RIMS4: variants seen among roughly 807,000 people sequenced by gnomAD.
RIMS4 encodes regulating synaptic membrane exocytosis protein 4.
A neutral mutation model predicts 29.0 loss-of-function variants in RIMS4; 9 were observed. That is an observed-to-expected ratio of 0.31 (90% confidence interval 0.19 to 0.54). RIMS4 has a LOEUF of 0.54. RIMS4 is among the 20% of genes least tolerant of loss of function. RIMS4 has a pLI of 0.94. For synonymous variants in RIMS4, 130 were observed against 152.9 expected (o/e 0.85, Z 1.10); for missense variants, 193 against 365.7 (o/e 0.53, Z 3.85).
At chr20:44,792,309 T>G (rs2066236285) in intron 1 of RIMS4, among the ~76,000 whole-genome samples, 1 of 151,846 alleles carries the variant, frequency 6.6e-6, no homozygotes, top group South Asian at 2.1e-4. Context: ...TTTTTTTTTT[T>G]GAGACAGAGT....
At position 44,796,743 on chromosome 20, in the gene RIMS4, T is replaced by G. The variant is rs116308339; in HGVS notation, c.97+13432A>C. Among the ~76,000 whole-genome samples the G allele has an allele frequency of 2.6e-3, 394 of 152,250 alleles. 4 individuals carry two copies. Among genetic ancestry groups the G allele is most frequent in the African/African-American group, 9.1e-3 (377 of 41,552 alleles). ...CTGAGGAAATGGCCTAAGTGAGGCATGGAGGGAGAAAACTCAAACAAGACT... is the reference window on the plus strand; with the variant it reads ...CTGAGGAAATGGCCTAAGTGAGGCAGGGAGGGAGAAAACTCAAACAAGACT... On this transcript the variant is annotated intron_variant, in intron 1 of 5. Coordinates refer to ENST00000372851, the MANE Select transcript of RIMS4 (RefSeq NM_182970.4).
intron 1 of RIMS4, among the ~76,000 whole-genome samples, chr20:44,805,565 C>A (rs2066295014): frequency 6.6e-6 from 1 of 152,082 alleles, no homozygotes; most frequent in Non-Finnish European, 1.5e-5. Context: ...CATGCCTCCA[C>A]GTGGTCCTGA....
At chr20:44,770,611 T>G (rs898454952) in intron 2 of RIMS4, among the ~76,000 whole-genome samples, 1 of 152,138 alleles carries the variant, frequency 6.6e-6, no homozygotes, top group Non-Finnish European at 1.5e-5. Context: ...AGAGACTAAG[T>G]CAGCAGCCTG....
chr20:44,776,659 A>C (rs1279487304), intron 1 of RIMS4, among the ~76,000 whole-genome samples: 2 of 152,240 alleles, frequency 1.3e-5, no homozygotes, highest in African/African-American at 4.8e-5. Context: ...ACAAGCAAGC[A>C]ACGTAAAAAT....
intron 2 of RIMS4, among the ~76,000 whole-genome samples, chr20:44,766,017 C>T (rs1269541521): frequency 6.6e-6 from 1 of 152,200 alleles, no homozygotes; most frequent in African/African-American, 2.4e-5. Context: ...AGGCATTGAA[C>T]TCAGTGTCTA....
rs562831386 is a variant in RIMS4 at position 44,755,793 on chromosome 20, C to T, written c.*341G>A. On this transcript the variant is annotated 3_prime_UTR_variant, in exon 6 of 6. Transcript: ENST00000372851. Reference sequence around the variant, plus strand: ...GACATGGCTCTGGGCAGCGAGCTTCCGAGGAGGCAAAAAGGGGGAGAAGTT... The same window carrying T: ...GACATGGCTCTGGGCAGCGAGCTTCTGAGGAGGCAAAAAGGGGGAGAAGTT... The T allele has an allele frequency of 8.6e-5, 21 of 243,896 alleles. No homozygotes were observed. In the East Asian group the frequency reaches 1.4e-3, roughly 16 times the overall value. 15.1% of individuals were successfully genotyped at this position (243,896 alleles called of 1,614,324 possible).
chr20:44,807,066 A>T (rs1005619618), intron 1 of RIMS4, among the ~76,000 whole-genome samples: 9 of 148,600 alleles, frequency 6.1e-5, no homozygotes, highest in African/African-American at 1.9e-4. Flanking sequence ...AGTGCCAACA[A>T]GGCTGGGCAA....
In RIMS4 at chr20:44,753,743, G is replaced by A. The variant is rs1035625824; in HGVS notation, c.*2391C>T. ...CAATGGTCACAGCCCCTGGGAAGGG[G>A]CACATGCTCACGATGACACAAAGAA... On this transcript the variant is annotated 3_prime_UTR_variant, in exon 6 of 6. Transcript: ENST00000372851. 31 of 152,618 alleles carry A rather than the reference G, an allele frequency of 2.0e-4. No homozygotes were observed. The highest frequency in any genetic ancestry group is 4.1e-4 in the South Asian group (2 of 4,830). The allele number at this position is 152,618 out of a possible 1,614,324, so 9.5% of individuals were successfully genotyped here. A position where few individuals can be genotyped will look rare whatever the true frequency, so the allele number is the denominator to read the frequency against.
Position 44,757,784 on chromosome 20 carries a change from C to T in RIMS4, c.350-13G>A. The T allele has an allele frequency of 6.2e-7, 1 of 1,605,698 alleles. No individual in the cohort carries two copies. The highest frequency in any genetic ancestry group is 8.5e-7 in the Non-Finnish European group (1 of 1,172,620). On this transcript the variant is annotated splice_polypyrimidine_tract_variant and intron_variant, in intron 3 of 5. Coordinates refer to ENST00000372851, the MANE Select transcript of RIMS4 (RefSeq NM_182970.4). ...ATCTCCACATCCCCTGGAAGAGGCA[C>T]CAAGAGATGAGACTGGGAAATGGTT... is the stretch of plus-strand genomic sequence containing the variant.
intron 1 of RIMS4, among the ~76,000 whole-genome samples, chr20:44,798,071 C>T (rs1171479324): frequency 6.6e-6 from 1 of 152,218 alleles, no homozygotes; most frequent in Admixed American, 6.5e-5. Flanking sequence ...CCTCTGCCCT[C>T]CTCTCTGGAT....
At chr20:44,796,463 G>A (rs2066255687) in intron 1 of RIMS4, among the ~76,000 whole-genome samples, 1 of 152,182 alleles carries the variant, frequency 6.6e-6, no homozygotes, top group Non-Finnish European at 1.5e-5. Flanking sequence ...AGGGGCTTGG[G>A]ATTCAACTCT....
intron 1 of RIMS4, among the ~76,000 whole-genome samples, chr20:44,785,003 T>C (rs1220854468): frequency 6.6e-6 from 1 of 152,202 alleles, no homozygotes; most frequent in Non-Finnish European, 1.5e-5. Flanking sequence ...TCACAACTCC[T>C]AGGTGAGGTC....
chr20:44,793,865 T>G (rs1230747421), intron 1 of RIMS4, among the ~76,000 whole-genome samples: 2 of 151,890 alleles, frequency 1.3e-5, no homozygotes, highest in African/African-American at 2.4e-5. Context: ...AGCCCAAGAG[T>G]TCAAGACCAG....
intron 1 of RIMS4, among the ~76,000 whole-genome samples, chr20:44,790,326 T>C (rs915245152): frequency 1.5e-4 from 23 of 152,170 alleles, no homozygotes; most frequent in Non-Finnish European, 1.2e-4. Context: ...TGCCCAATAA[T>C]AATGAAGGCA....
chr20:44,756,320 C>T lies in RIMS4; in HGVS notation c.624G>A (p.Glu208=). ...VIVWGNYGRM[E]RKQFMGVARV... ...GAGCCACACCCATGAACTGCTTCCG[C>T]TCCATCCGCCCGTAGTTCCCCCACA... is the stretch of plus-strand genomic sequence containing the variant. Residue 208 remains glutamate (E), a synonymous_variant, in exon 6 of 6, where the codon GAG becomes GAA. Transcript: ENST00000372851. This position sits in a 1 kb window ranked among gnomAD's most constrained non-coding sequence, Gnocchi z 5.9. The T allele has an allele frequency of 6.2e-7, 1 of 1,614,056 alleles. No individual in the cohort carries two copies. The highest frequency in any genetic ancestry group is 8.5e-7 in the Non-Finnish European group (1 of 1,180,002).
intron 2 of RIMS4, among the ~76,000 whole-genome samples, chr20:44,766,049 G>A (rs1029481645): frequency 2.6e-5 from 4 of 152,230 alleles, no homozygotes; most frequent in African/African-American, 9.6e-5. Context: ...AGACACACAT[G>A]TGACAAGATA....
At chr20:44,796,959 A>T (rs2066257793) in intron 1 of RIMS4, among the ~76,000 whole-genome samples, 1 of 152,202 alleles carries the variant, frequency 6.6e-6, no homozygotes, top group Non-Finnish European at 1.5e-5. Context: ...GTCATTCCTC[A>T]TGTCCTAACC....
chr20:44,762,998 C>G (rs2066092841), intron 2 of RIMS4, among the ~76,000 whole-genome samples: 1 of 152,196 alleles, frequency 6.6e-6, no homozygotes, highest in African/African-American at 2.4e-5. Flanking sequence ...GTCTCAGTTT[C>G]AAATGTTTTT....
At chr20:44,768,551 T>A (rs969825374) in intron 2 of RIMS4, among the ~76,000 whole-genome samples, 2 of 152,208 alleles carry the variant, frequency 1.3e-5, no homozygotes, top group Admixed American at 1.3e-4. Context: ...CACAGCTCAA[T>A]GTCCCCACCC....
Sources: allele counts gnomAD v4.1 joint callset (sites outside exome capture counted in the v4.1 genomes callset), GRCh38; gene constraint gnomAD v4.1.1; non-coding constraint Gnocchi (gnomAD v3.1); transcripts MANE v1.5; gene names NCBI Gene and HGNC (gene_info 2026-07-23, HGNC 2026-07-21).